The following IFT80 variants were observed in gnomAD, a reference collection of about 807,000 sequenced individuals.
IFT80 encodes the protein intraflagellar transport protein 80 homolog.
In IFT80, 79 loss-of-function variants were observed where a neutral mutation model predicts 107.9. The observed-to-expected ratio is 0.73, with a 90% CI of 0.61 to 0.88. The LOEUF (loss-of-function observed/expected upper bound fraction) is 0.88, where lower values mean the gene tolerates loss of function less well. Ranked by LOEUF, IFT80 falls within the 40% of genes least tolerant of loss-of-function variation. The pLI, the probability that IFT80 is intolerant of heterozygous loss-of-function variation, is 0.00. For synonymous variants in IFT80, 299 were observed against 300.9 expected, an observed-to-expected ratio of 0.99 and a Z score of 0.07; for missense variants, 797 against 914.2, an observed-to-expected ratio of 0.87 and a Z score of 1.65.
In IFT80 at chr3:160,375,809, T is replaced by C; in HGVS notation, c.439+3A>G. 6.2e-7 allele frequency: 1 copy of C among 1,606,970 alleles called. No individual in the cohort carries two copies. ...AAATGAAATTGTCAATTGTAAAACA[T>C]ACCTTGCTGAGCTAAAGTTGATCTA... On this transcript the variant is annotated splice_donor_region_variant and intron_variant, in intron 5 of 19. Coordinates refer to ENST00000326448, the MANE Select transcript of IFT80 (RefSeq NM_020800.3).
chr3:160,270,406 A>G (rs572758987), intron 18 of IFT80, among the ~76,000 whole-genome samples: 49 of 152,348 alleles, frequency 3.2e-4, no homozygotes, highest in Non-Finnish European at 7.4e-5. Flanking sequence ...GATATTAAAC[A>G]CTTAATATGC....
chr3:160,333,184 C>G (rs773318894), intron 8 of IFT80, among the ~76,000 whole-genome samples: 3 of 152,116 alleles, frequency 2.0e-5, no homozygotes, highest in Non-Finnish European at 4.4e-5. Context: ...AATGGTATAA[C>G]TGTACGTGAC....
At chr3:160,379,903 A>G (rs1712328542) in intron 3 of IFT80, among the ~76,000 whole-genome samples, 1 of 152,122 alleles carries the variant, frequency 6.6e-6, no homozygotes, top group Non-Finnish European at 1.5e-5. Context: ...ATAAGGTGTA[A>G]TCTGATACTA....
At chr3:160,295,572 C>G (rs1243813891) in intron 12 of IFT80, among the ~76,000 whole-genome samples, 1 of 151,906 alleles carries the variant, frequency 6.6e-6, no homozygotes, top group Non-Finnish European at 1.5e-5. Context: ...GCACTCTAGC[C>G]TGGGTGAAAG....
intron 8 of IFT80, among the ~76,000 whole-genome samples, chr3:160,338,001 T>C (rs1401976047): frequency 6.6e-6 from 1 of 152,216 alleles, no homozygotes; most frequent in Non-Finnish European, 1.5e-5. Context: ...ACTCCTATTA[T>C]ATGTACTTTG....
intron 8 of IFT80, among the ~76,000 whole-genome samples, chr3:160,342,201 T>G (rs1216057773): frequency 6.6e-6 from 1 of 152,188 alleles, no homozygotes; most frequent in Admixed American, 6.5e-5. Flanking sequence ...GACAATTTAT[T>G]TTGTAGATGA....
At chr3:160,343,959 T>C (rs548211107) in intron 8 of IFT80, 40 of 177,434 alleles carry the variant, frequency 2.3e-4, no homozygotes, top group Non-Finnish European at 4.1e-4. Flanking sequence ...ATGCAATGCA[T>C]TTTTATACTT....
At chr3:160,260,616 A>G (rs879706775) in intron 19 of IFT80, among the ~76,000 whole-genome samples, 15 of 152,188 alleles carry the variant, frequency 9.9e-5, no homozygotes, top group Admixed American at 9.8e-4. Context: ...TCTAGTTTTA[A>G]AAAGTGTTCT....
chr3:160,299,177 A>T (rs1305916432), intron 12 of IFT80: 3 of 998,842 alleles, frequency 3.0e-6, no homozygotes, highest in Non-Finnish European at 3.6e-6. Flanking sequence ...TCTGTCTGCC[A>T]TCTGGATACT....
chr3:160,382,437 G>A (rs1348329425), intron 2 of IFT80, among the ~76,000 whole-genome samples: 1 of 152,140 alleles, frequency 6.6e-6, no homozygotes, highest in South Asian at 2.1e-4. Flanking sequence ...AGTGCTGGAT[G>A]AGATATGATC....
At chr3:160,298,957 T>C (rs553030307) in intron 12 of IFT80, 2 of 229,152 alleles carry the variant, frequency 8.7e-6, no homozygotes, top group South Asian at 1.6e-4. Flanking sequence ...ATTATAATCT[T>C]ATGGTATATG....
At chr3:160,349,468 A>G (rs2108349731) in intron 8 of IFT80, among the ~76,000 whole-genome samples, 1 of 151,988 alleles carries the variant, frequency 6.6e-6, no homozygotes, top group Non-Finnish European at 1.5e-5. Context: ...AAAAAAAAGG[A>G]ACACTGCACC....
At position 160,381,867 on chromosome 3, in the gene IFT80, A is replaced by ATT. The variant is rs111650677; in HGVS notation, c.38-145_38-144dup. On this transcript the variant is annotated intron_variant, in intron 2 of 19. Transcript: ENST00000326448. ...ATGTATTTTCCATTTTATGACTGGT[A>ATT]TTTTTTTCTATATAAAAGAAAATAA... 4 of 672,248 alleles carry ATT rather than the reference A, an allele frequency of 6.0e-6. No individual in the cohort carries two copies. The African/African-American group carries it at 7.3e-5, about 12-fold the overall frequency. 41.6% of individuals were successfully genotyped at this position (672,248 alleles called of 1,614,324 possible). A position where few individuals can be genotyped will look rare whatever the true frequency, so the allele number is the denominator to read the frequency against.
intron 8 of IFT80, among the ~76,000 whole-genome samples, chr3:160,337,888 C>A (rs921154757): frequency 6.6e-6 from 1 of 152,002 alleles, no homozygotes; most frequent in South Asian, 2.1e-4. Context: ...TATCTGCATG[C>A]CTTTTCAATA....
At chr3:160,295,996 AG>A (rs1460794854) in intron 12 of IFT80, among the ~76,000 whole-genome samples, 3 of 152,122 alleles carry the variant, frequency 2.0e-5, no homozygotes, top group African/African-American at 7.2e-5. Flanking sequence ...GGCAGCAGGG[AG>A]GGGGAAATGG....
intron 4 of IFT80, among the ~76,000 whole-genome samples, chr3:160,377,176 T>C (rs1376480801): frequency 1.3e-5 from 2 of 152,170 alleles, no homozygotes; most frequent in Non-Finnish European, 2.9e-5. Context: ...TTTAAAGAAT[T>C]ACAACTTTTA....
chr3:160,350,676 G>T (rs914824691), intron 8 of IFT80, among the ~76,000 whole-genome samples: 2 of 152,030 alleles, frequency 1.3e-5, no homozygotes, highest in Non-Finnish European at 2.9e-5. Flanking sequence ...TTAGCTGGGC[G>T]TGGTGATGTG....
intron 12 of IFT80, among the ~76,000 whole-genome samples, chr3:160,287,300 T>C (rs756377942): frequency 9.9e-5 from 15 of 152,194 alleles, no homozygotes; most frequent in Non-Finnish European, 4.4e-5. Context: ...AACCCCAGAA[T>C]TTACAGCCAG....
chr3:160,357,601 A>G, intron 6 of IFT80, 23 bp from the exon 7 acceptor site: 1 of 1,466,474 alleles, frequency 6.8e-7, no homozygotes, highest in Non-Finnish European at 9.5e-7. Flanking sequence ...AGAATAAGAT[A>G]TTAATTATAA....
Sources: allele counts gnomAD v4.1 joint callset (sites outside exome capture counted in the v4.1 genomes callset), GRCh38; gene constraint gnomAD v4.1.1; transcripts MANE v1.5; gene names NCBI Gene and HGNC (gene_info 2026-07-23, HGNC 2026-07-21).